The following CACNA2D3 variants were observed in gnomAD, a reference collection of about 807,000 sequenced individuals.
CACNA2D3 encodes the protein voltage-dependent calcium channel subunit alpha-2/delta-3.
In CACNA2D3, 60 loss-of-function variants were observed where a neutral mutation model predicts 160.6. The ratio of observed to expected loss-of-function variants is 0.37; its 90% CI spans 0.30 to 0.46. CACNA2D3 has a LOEUF of 0.46. Among genes scored for constraint, CACNA2D3 ranks in the 20% least tolerant of loss-of-function variants. The probability of loss-of-function intolerance (pLI) is 1.00; values close to 1 mark genes in which losing one functional copy is unlikely to be tolerated. For missense variants in CACNA2D3, 1,205 were observed against 1,365.0 expected (o/e 0.88, Z 1.85); for synonymous variants, 558 against 492.9 (o/e 1.13, Z -1.75).
intron 4 of CACNA2D3, among the ~76,000 whole-genome samples, chr3:54,475,273 A>G (rs374177043): frequency 1.2e-3 from 188 of 152,268 alleles, no homozygotes; most frequent in African/African-American, 4.4e-3. Context: ...GTGTGCAACA[A>G]ATAGTCCTGA....
chr3:54,189,324 G>C (rs1251880426), intron 2 of CACNA2D3, among the ~76,000 whole-genome samples: 1 of 152,166 alleles, frequency 6.6e-6, no homozygotes, highest in African/African-American at 2.4e-5. Context: ...TGGCATCTCT[G>C]ACTGTGAAAG....
intron 9 of CACNA2D3, chr3:54,626,195 T>C: frequency 1.3e-6 from 1 of 787,448 alleles, no homozygotes; most frequent in Non-Finnish European, 2.2e-6. Context: ...CAGAGAGCTC[T>C]TTTCTGAGGA....
At chr3:54,285,525 G>T (rs1292515594) in intron 2 of CACNA2D3, among the ~76,000 whole-genome samples, 1 of 152,208 alleles carries the variant, frequency 6.6e-6, no homozygotes, top group Non-Finnish European at 1.5e-5. Flanking sequence ...CAAACAAAAA[G>T]ACAGCAGTAA....
chr3:55,010,099 A>G lies in CACNA2D3; in HGVS notation c.2875+656A>G, dbSNP rs573895140. Among the ~76,000 whole-genome samples, 31 of 152,266 alleles carry G rather than the reference A, an allele frequency of 2.0e-4. No homozygotes were observed. In the South Asian group the frequency reaches 3.5e-3, roughly 17 times the overall value. On this transcript the variant is annotated intron_variant, in intron 34 of 37. Transcript: ENST00000474759. ...GTTTAATGCTGTGAGAAATCATATT[A>G]CGTGCTGACCACAGTGACTGGAACA...
At chr3:54,278,286 G>A (rs1220079311) in intron 2 of CACNA2D3, among the ~76,000 whole-genome samples, 2 of 152,206 alleles carry the variant, frequency 1.3e-5, no homozygotes, top group African/African-American at 4.8e-5. Context: ...AAAACCCAGT[G>A]TGATACCATC....
intron 4 of CACNA2D3, among the ~76,000 whole-genome samples, chr3:54,388,649 A>G (rs1699229842): frequency 6.6e-6 from 1 of 152,228 alleles, no homozygotes; most frequent in South Asian, 2.1e-4. Context: ...GGATATAGCA[A>G]GAAGTACCTT....
chr3:54,878,932 G>A (rs781472103), intron 18 of CACNA2D3, 86 bp from the exon 19 acceptor site: 23 of 712,826 alleles, frequency 3.2e-5, no homozygotes, highest in Non-Finnish European at 4.8e-5. Context: ...CAATATGGAG[G>A]CTCCACTGCA....
chr3:54,403,200 A>G (rs1177429209), intron 4 of CACNA2D3, among the ~76,000 whole-genome samples: 1 of 152,052 alleles, frequency 6.6e-6, no homozygotes, highest in African/African-American at 2.4e-5. Context: ...CAAAAAATAA[A>G]AAAAAGTAGC....
chr3:55,065,736 G>A (rs1704621316), intron 35 of CACNA2D3, among the ~76,000 whole-genome samples: 1 of 151,274 alleles, frequency 6.6e-6, no homozygotes, highest in South Asian at 2.1e-4. Context: ...AGGAAAGGAA[G>A]GAAAGGGAAG....
chr3:54,246,561 CGGCTGTCTGTAATCCCAGCTACTTGGGAG>C (rs1559894679), intron 2 of CACNA2D3, among the ~76,000 whole-genome samples: 269 of 3,472 alleles, frequency 0.077, 9 homozygotes, highest in South Asian at 0.42. Context: ...GGCGTGGTTG[CGGCTGTCTGTAATCCCAGCTACTTGGGAG>C]GCGGCTGTCT....
intron 13 of CACNA2D3, among the ~76,000 whole-genome samples, chr3:54,765,196 C>T (rs1243311336): frequency 6.6e-6 from 1 of 152,094 alleles, no homozygotes; most frequent in African/African-American, 2.4e-5. Context: ...CTCTCTCATT[C>T]CTGCTGCACT....
At chr3:54,598,307 C>CCAAAAAAAAA (rs1264816240) in intron 9 of CACNA2D3, among the ~76,000 whole-genome samples, 1 of 49,846 alleles carries the variant, frequency 2.0e-5, no homozygotes, top group Non-Finnish European at 3.4e-5. Context: ...CTCCGTCTCA[C>CCAAAAAAAAA]AAAAAAAAAA....
rs568902544 is a variant in CACNA2D3, at chr3:54,732,207, T to C, written c.1168-20392T>C. 5.3e-5 allele frequency among the ~76,000 whole-genome samples: 8 copies of C among 152,380 alleles called. No individual in the cohort carries two copies. The South Asian group carries it at 1.7e-3, about 32-fold the overall frequency. Reference sequence around the variant, plus strand: ...GACATCACTCTGTAATTTTACATGATTTGGACAGTGCGAAGCACACAGGGC... The same window carrying C: ...GACATCACTCTGTAATTTTACATGACTTGGACAGTGCGAAGCACACAGGGC... On this transcript the variant is annotated intron_variant, in intron 11 of 37. Transcript: ENST00000474759.
At chr3:54,350,992 T>TTTTTTTTG (rs1698551970) in intron 3 of CACNA2D3, among the ~76,000 whole-genome samples, 2 of 110,978 alleles carry the variant, frequency 1.8e-5, no homozygotes, top group Admixed American at 9.6e-5. Context: ...GTTTGTTTTT[T>TTTTTTTTG]TTTTTTTTTT....
At chr3:54,974,192 G>A (rs1049976314) in intron 29 of CACNA2D3, among the ~76,000 whole-genome samples, 3 of 152,178 alleles carry the variant, frequency 2.0e-5, no homozygotes, top group African/African-American at 7.2e-5. Flanking sequence ...TAGGATACTT[G>A]TAAAAATCAC....
At position 54,289,393 on chromosome 3, in the gene CACNA2D3, C is replaced by G. The variant is rs545427852; in HGVS notation, c.205-31049C>G. Among the ~76,000 whole-genome samples the G allele has an allele frequency of 3.3e-5, 5 of 152,108 alleles. No homozygotes were observed. The South Asian group carries it at 1.0e-3, about 32-fold the overall frequency. On this transcript the variant is annotated intron_variant, in intron 2 of 37. Coordinates refer to ENST00000474759, the MANE Select transcript of CACNA2D3 (RefSeq NM_018398.3). ...TCAAGGAGAACTACAAACCACTGCT[C>G]AATGAAATAAATGAGGATACAAAGA...
At chr3:54,451,302 T>C (rs1022472999) in intron 4 of CACNA2D3, among the ~76,000 whole-genome samples, 1 of 125,706 alleles carries the variant, frequency 8.0e-6, no homozygotes, top group Non-Finnish European at 1.6e-5. Flanking sequence ...GAGGCTGGAG[T>C]GCAGTGGCGC....
intron 34 of CACNA2D3, among the ~76,000 whole-genome samples, chr3:55,012,990 C>T (rs1327988550): frequency 6.6e-6 from 1 of 152,100 alleles, no homozygotes; most frequent in Non-Finnish European, 1.5e-5. Context: ...TCTCTATTTT[C>T]TGTCTTAAGG....
intron 11 of CACNA2D3, among the ~76,000 whole-genome samples, chr3:54,741,602 A>T (rs891598444): frequency 8.2e-4 from 16 of 19,558 alleles, no homozygotes; most frequent in Non-Finnish European, 1.6e-3. Context: ...TAAGAAAAAT[A>T]AAAAAAAAAA....
Sources: gnomAD v4.1 joint callset for allele counts (sites outside exome capture counted in the v4.1 genomes callset) on GRCh38, gnomAD v4.1.1 for gene constraint, MANE v1.5 for transcripts, NCBI Gene and HGNC (gene_info 2026-07-23, HGNC 2026-07-21) for gene names.